TLN2: variants seen among roughly 807,000 people sequenced by gnomAD.
The protein encoded by TLN2 is talin 2, also known as talin-2.
A neutral mutation model predicts 294.7 loss-of-function variants in TLN2; 118 were observed. The observed-to-expected ratio is 0.40, with a 90% CI of 0.34 to 0.47. The LOEUF (loss-of-function observed/expected upper bound fraction) is 0.47, where lower values mean the gene tolerates loss of function less well. Ranked by LOEUF, TLN2 falls within the 20% of genes least tolerant of loss-of-function variation. The probability of loss-of-function intolerance (pLI) is 0.84; values close to 1 mark genes in which losing one functional copy is unlikely to be tolerated. For synonymous variants in TLN2, 1,431 were observed against 1,304.5 expected (o/e 1.10, Z -2.09); for missense variants, 3,083 against 3,282.2 (o/e 0.94, Z 1.48).
At chr15:62,744,917 G>T (rs2061535234) in intron 32 of TLN2, among the ~76,000 whole-genome samples, 1 of 149,548 alleles carries the variant, frequency 6.7e-6, no homozygotes, top group Non-Finnish European at 1.5e-5. Context: ...ATTTCGATTT[G>T]CTCTTTCCTC....
intron 1 of TLN2, among the ~76,000 whole-genome samples, chr15:62,476,770 G>A (rs752678741): frequency 6.6e-6 from 1 of 152,120 alleles, no homozygotes; most frequent in Admixed American, 6.5e-5. Flanking sequence ...GAAAGCACCC[G>A]CTTTATGGTG....
intron 28 of TLN2, among the ~76,000 whole-genome samples, chr15:62,735,702 C>A (rs1212685559): frequency 2.0e-5 from 3 of 152,136 alleles, no homozygotes; most frequent in African/African-American, 7.2e-5. Flanking sequence ...TATATACTTA[C>A]TGTATGACCT....
At chr15:62,761,150 A>G (rs928317488) in intron 37 of TLN2, among the ~76,000 whole-genome samples, 1 of 152,170 alleles carries the variant, frequency 6.6e-6, no homozygotes, top group African/African-American at 2.4e-5. Context: ...CATTGTGTTC[A>G]TTTCAGAATG....
rs953795410 is a variant in TLN2 at position 62,652,002 on chromosome 15, T to C, written c.235-3T>C. The C allele has an allele frequency of 6.2e-6, 10 of 1,607,136 alleles. No individual in the cohort carries two copies. The highest frequency in any genetic ancestry group is 7.7e-6 in the Non-Finnish European group (9 of 1,175,986). On this transcript the variant is annotated splice_polypyrimidine_tract_variant and splice_region_variant and intron_variant, in intron 5 of 58. Transcript: ENST00000636159. ...TGAAATTTGTATGTGGTTTGTGCTC[T>C]AGGATATTTTGGAATATAAAAAGAA... is the stretch of plus-strand genomic sequence containing the variant.
rs772224302 is a variant in TLN2, at chr15:62,694,398, T to C, written c.1292+6T>C. 1.9e-6 allele frequency: 3 copies of C among 1,613,488 alleles called. No homozygotes were observed. Among genetic ancestry groups the C allele is most frequent in the Non-Finnish European group, 2.5e-6 (3 of 1,179,470 alleles). ...GAGTCCGTTTCCCCAAAAAAGTAAG[T>C]ATTATGAAGAGTACTAGAGGACCAC... is the stretch of plus-strand genomic sequence containing the variant. On this transcript the variant is annotated splice_donor_region_variant and intron_variant, in intron 14 of 58. Transcript: ENST00000636159.
intron 1 of TLN2, among the ~76,000 whole-genome samples, chr15:62,444,592 T>G (rs1158344708): frequency 6.6e-6 from 1 of 152,250 alleles, no homozygotes; most frequent in Non-Finnish European, 1.5e-5. Context: ...TGTTAGTAAC[T>G]GGTGCTGTCA....
chr15:62,712,099 T>G (rs778176509), intron 22 of TLN2, 22 bp downstream of exon 22: 38 of 1,610,094 alleles, frequency 2.4e-5, no homozygotes, highest in Non-Finnish European at 3.2e-5. Flanking sequence ...GATTTGTTTG[T>G]ATGAAAAGTG....
At chr15:62,528,891 G>A (rs892781422) in intron 1 of TLN2, among the ~76,000 whole-genome samples, 12 of 152,052 alleles carry the variant, frequency 7.9e-5, no homozygotes, top group Non-Finnish European at 1.6e-4. Context: ...CACACCTTAG[G>A]CGTTTCATCT....
intron 2 of TLN2, among the ~76,000 whole-genome samples, chr15:62,592,801 C>T (rs1480799882): frequency 1.3e-5 from 2 of 152,092 alleles, no homozygotes; most frequent in East Asian, 3.9e-4. Context: ...AAACATGATG[C>T]TTTAAAGAGT....
At chr15:62,815,926 A>G (rs1330911614) in intron 52 of TLN2, among the ~76,000 whole-genome samples, 2 of 152,224 alleles carry the variant, frequency 1.3e-5, no homozygotes, top group Non-Finnish European at 2.9e-5. Flanking sequence ...TCATGATTTC[A>G]GCATTCTTCA....
chr15:62,621,593 A>C (rs2048833810), intron 3 of TLN2, among the ~76,000 whole-genome samples: 1 of 152,210 alleles, frequency 6.6e-6, no homozygotes, highest in Non-Finnish European at 1.5e-5. Context: ...ATCGTGCAGC[A>C]GTGATATTTT....
chr15:62,601,616 T>C (rs888824429), intron 2 of TLN2, among the ~76,000 whole-genome samples: 1 of 152,244 alleles, frequency 6.6e-6, no homozygotes, highest in Admixed American at 6.5e-5. Flanking sequence ...TATCTCTTAA[T>C]TCATTAGTGA....
intron 18 of TLN2, 80 bp from the exon 19 acceptor site, chr15:62,702,686 C>T: frequency 7.1e-7 from 1 of 1,411,156 alleles, no homozygotes; most frequent in Non-Finnish European, 1.0e-6. Flanking sequence ...CTGTGAGATT[C>T]TACTTCCTGT....
chr15:62,537,542 A>T (rs1453894896), intron 1 of TLN2, among the ~76,000 whole-genome samples: 1 of 152,202 alleles, frequency 6.6e-6, no homozygotes, highest in Admixed American at 6.5e-5. Context: ...TTTGATATTT[A>T]TATAACAAAT....
chr15:62,494,065 G>A (rs1172109350), intron 1 of TLN2, among the ~76,000 whole-genome samples: 1 of 152,098 alleles, frequency 6.6e-6, no homozygotes, highest in East Asian at 1.9e-4. Context: ...AGACAACTGG[G>A]AGGAAGCCAT....
chr15:62,523,576 G>A (rs2040577065), intron 1 of TLN2, among the ~76,000 whole-genome samples: 1 of 152,142 alleles, frequency 6.6e-6, no homozygotes, highest in South Asian at 2.1e-4. Flanking sequence ...AATCTTGGAG[G>A]GAAAAGTTCA....
chr15:62,544,864 G>C (rs2041902524), intron 1 of TLN2, among the ~76,000 whole-genome samples: 1 of 151,474 alleles, frequency 6.6e-6, no homozygotes. Flanking sequence ...CCTTATCAAT[G>C]CTAGTGGCAA....
chr15:62,452,019 A>G (rs2036182557), intron 1 of TLN2, among the ~76,000 whole-genome samples: 1 of 152,280 alleles, frequency 6.6e-6, no homozygotes, highest in East Asian at 1.9e-4. Context: ...TGCAGAGACC[A>G]TGCATCCTCC....
intron 1 of TLN2, among the ~76,000 whole-genome samples, chr15:62,483,155 C>T (rs2038201938): frequency 6.6e-6 from 1 of 152,188 alleles, no homozygotes; most frequent in Non-Finnish European, 1.5e-5. Context: ...TCTTAGGCAC[C>T]AAGAACTACT....
Sources: allele counts gnomAD v4.1 joint callset (sites outside exome capture counted in the v4.1 genomes callset), GRCh38; gene constraint gnomAD v4.1.1; transcripts MANE v1.5; gene names NCBI Gene and HGNC (gene_info 2026-07-23, HGNC 2026-07-21).